Variants in HSPA4 observed in about 807,000 individuals in gnomAD.
The protein encoded by HSPA4 is heat shock 70 kDa protein 4.
In HSPA4, 25 loss-of-function variants were observed where a neutral mutation model predicts 106.2. The observed-to-expected ratio is 0.24, with a 90% CI of 0.17 to 0.33. The LOEUF (loss-of-function observed/expected upper bound fraction) is 0.33, where lower values mean the gene tolerates loss of function less well. Ranked by LOEUF, HSPA4 falls within the 10% of genes least tolerant of loss-of-function variation. The probability of loss-of-function intolerance (pLI) is 1.00; values close to 1 mark genes in which losing one functional copy is unlikely to be tolerated. For missense variants in HSPA4, 841 were observed against 996.0 expected (o/e 0.84, Z 2.10); for synonymous variants, 332 against 333.6 (o/e 1.00, Z 0.05).
At chr5:133,078,566 T>G (rs1160792481) in intron 7 of HSPA4, among the ~76,000 whole-genome samples, 1 of 140,796 alleles carries the variant, frequency 7.1e-6, no homozygotes, top group East Asian at 2.0e-4. Context: ...ACTTGGGAGA[T>G]GAAGGTTGCA....
intron 3 of HSPA4, among the ~76,000 whole-genome samples, chr5:133,068,548 G>GA (rs1366794643): frequency 6.6e-6 from 1 of 152,110 alleles, no homozygotes; most frequent in East Asian, 1.9e-4. Flanking sequence ...AGAACCATGA[G>GA]AAAAAGGTAG....
At chr5:133,070,791 A>G (rs951584555) in intron 4 of HSPA4, among the ~76,000 whole-genome samples, 2 of 152,130 alleles carry the variant, frequency 1.3e-5, no homozygotes, top group Admixed American at 6.5e-5. Context: ...AATCCCAGCT[A>G]TTCGGGAGGC....
intron 3 of HSPA4, among the ~76,000 whole-genome samples, chr5:133,070,049 C>T (rs187265576): frequency 2.6e-5 from 4 of 152,098 alleles, no homozygotes; most frequent in Non-Finnish European, 5.9e-5. Context: ...TGCTTTTGCT[C>T]CCCGCTACTT....
chr5:133,078,661 G>T (rs1478199208), intron 7 of HSPA4, among the ~76,000 whole-genome samples: 3 of 143,694 alleles, frequency 2.1e-5, no homozygotes, highest in East Asian at 2.1e-4. Context: ...AAAAAAAGTT[G>T]TACTGTATTT....
intron 11 of HSPA4, among the ~76,000 whole-genome samples, chr5:133,090,015 C>T (rs1381382991): frequency 6.6e-6 from 1 of 152,186 alleles, no homozygotes; most frequent in Non-Finnish European, 1.5e-5. Context: ...AATTGGATCT[C>T]CCATTGTATC....
At chr5:133,052,494 C>A (rs993205176) in intron 1 of HSPA4, 137 bp downstream of exon 1, 2 of 610,348 alleles carry the variant, frequency 3.3e-6, no homozygotes, top group Admixed American at 3.1e-5. Flanking sequence ...AGGTCAGGGA[C>A]CCCCAGTAGG....
rs750553789 is a variant in HSPA4 at position 133,091,106 on chromosome 5, A to G, written c.1379-87A>G. On this transcript the variant is annotated intron_variant, in intron 11 of 18. Transcript: ENST00000304858. The stretch of plus-strand genomic sequence containing the variant: ...ATGTTACTGAGCTATCATTGAAAGT[A>G]GACATAATCTAGCAATGTAGGCATA... 1.0e-5 allele frequency: 11 copies of G among 1,092,450 alleles called. No individual in the cohort carries two copies. In the African/African-American group the frequency reaches 1.7e-4, roughly 17 times the overall value. 67.7% of individuals were successfully genotyped at this position (1,092,450 alleles called of 1,614,324 possible). A position where few individuals can be genotyped will look rare whatever the true frequency, so the allele number is the denominator to read the frequency against.
At chr5:133,088,358 G>A in intron 8 of HSPA4, 46 bp from the exon 9 acceptor site, 1 of 1,360,474 alleles carries the variant, frequency 7.4e-7, no homozygotes, top group Middle Eastern at 1.8e-4. Context: ...AGATGTTATT[G>A]TTCTTTCATT....
At chr5:133,100,447 A>T (rs1296146094) in intron 16 of HSPA4, among the ~76,000 whole-genome samples, 1 of 151,410 alleles carries the variant, frequency 6.6e-6, no homozygotes, top group African/African-American at 2.4e-5. Flanking sequence ...CCGAGGCTGG[A>T]GTGCAGTGGC....
intron 17 of HSPA4, 43 bp downstream of exon 17, chr5:133,101,921 CTTTTTTTTTT>C (rs60177569): frequency 1.2e-4 from 83 of 719,670 alleles, no homozygotes; most frequent in Non-Finnish European, 1.5e-4. Context: ...GTAAAGTTAA[CTTTTTTTTTT>C]TTTTTTTTTT....
chr5:133,066,277 C>T (rs1765304446), intron 2 of HSPA4, among the ~76,000 whole-genome samples: 1 of 152,192 alleles, frequency 6.6e-6, no homozygotes, highest in Non-Finnish European at 1.5e-5. Context: ...CATAAAAGGA[C>T]TTCTGTGTGT....
rs114594539 is a variant in HSPA4 at position 133,083,878 on chromosome 5, C to A, written c.909-2904C>A. Among the ~76,000 whole-genome samples the A allele has an allele frequency of 7.2e-3, 1,092 of 152,258 alleles. 15 individuals are homozygous for A. Among genetic ancestry groups the A allele is most frequent in the Admixed American group, 0.016 (242 of 15,270 alleles). The stretch of plus-strand genomic sequence containing the variant: ...TAGCATATCTCAAAGTAAATTGCAT[C>A]TGTATACTTCTTGCAGAAACTTAAA... On this transcript the variant is annotated intron_variant, in intron 7 of 18. Transcript: ENST00000304858.
At chr5:133,091,953 G>C (rs77344374) in intron 12 of HSPA4, among the ~76,000 whole-genome samples, 1 of 152,138 alleles carries the variant, frequency 6.6e-6, no homozygotes. Flanking sequence ...GGAGGCTGAG[G>C]CAGGAGGATT....
intron 1 of HSPA4, among the ~76,000 whole-genome samples, chr5:133,060,922 T>G (rs1289760949): frequency 6.6e-6 from 1 of 151,124 alleles, no homozygotes; most frequent in Non-Finnish European, 1.5e-5. Context: ...AGAACTGAGT[T>G]TTAAATTTTA....
In HSPA4 at chr5:133,094,304, A is replaced by G. The variant is rs542609350; in HGVS notation, c.1650+1515A>G. On this transcript the variant is annotated intron_variant, in intron 13 of 18. Coordinates refer to ENST00000304858, the MANE Select transcript of HSPA4 (RefSeq NM_002154.4). ...TAATCTCACCATCTTAGGAGTTTCTAATTTTAAAAAGTTTCTAATTTTTAC... is the reference window on the plus strand; with the variant it reads ...TAATCTCACCATCTTAGGAGTTTCTGATTTTAAAAAGTTTCTAATTTTTAC... 1.9e-3 allele frequency among the ~76,000 whole-genome samples: 297 copies of G among 152,312 alleles called. 2 individuals carry two copies. Among genetic ancestry groups the G allele is most frequent in the African/African-American group, 6.7e-3 (278 of 41,582 alleles).
intron 1 of HSPA4, chr5:133,052,859 G>T (rs893722787): frequency 6.5e-6 from 1 of 153,166 alleles, no homozygotes; most frequent in Non-Finnish European, 1.5e-5. Flanking sequence ...GCGGGGCAGC[G>T]CCCGGAAGAG....
intron 16 of HSPA4, among the ~76,000 whole-genome samples, chr5:133,100,135 C>T (rs914967300): frequency 6.6e-6 from 1 of 151,970 alleles, no homozygotes; most frequent in African/African-American, 2.4e-5. Flanking sequence ...GCAGTCTCGG[C>T]TCACTGCAAC....
chr5:133,090,012 T>C (rs73272710), intron 11 of HSPA4, among the ~76,000 whole-genome samples: 1 of 152,220 alleles, frequency 6.6e-6, no homozygotes, highest in Non-Finnish European at 1.5e-5. Context: ...TTTAATTGGA[T>C]CTCCCATTGT....
rs752563223 is a variant in HSPA4, at chr5:133,086,758, T to A, written c.909-24T>A. The A allele has an allele frequency of 6.7e-6, 10 of 1,498,070 alleles. No individual in the cohort carries two copies. In the South Asian group the frequency reaches 1.0e-4, roughly 15 times the overall value. 92.8% of individuals were successfully genotyped at this position (1,498,070 alleles called of 1,614,324 possible). The stretch of plus-strand genomic sequence containing the variant: ...GCATGTGATTTAATGTACTGTGTTT[T>A]TTGTTTTGTTTTGTTTTTTATAGAG... On this transcript the variant is annotated intron_variant, in intron 7 of 18. Transcript: ENST00000304858.
Sources: allele counts gnomAD v4.1 joint callset (sites outside exome capture counted in the v4.1 genomes callset), GRCh38; gene constraint gnomAD v4.1.1; transcripts MANE v1.5; gene names NCBI Gene and HGNC (gene_info 2026-07-23, HGNC 2026-07-21).